CMTR1: variants seen among roughly 807,000 people sequenced by gnomAD.
CMTR1 encodes the protein cap-specific mRNA (nucleoside-2'-O-)-methyltransferase 1.
Under a neutral mutation model 107.0 loss-of-function variants are expected in CMTR1, and 39 were observed. The observed-to-expected ratio is 0.36, with a 90% CI of 0.28 to 0.48. CMTR1 has a LOEUF of 0.48. CMTR1 is among the 20% of genes least tolerant of loss of function. The probability of loss-of-function intolerance (pLI) is 0.99; values close to 1 mark genes in which losing one functional copy is unlikely to be tolerated. For missense variants in CMTR1, 672 were observed against 1,064.9 expected (o/e 0.63, Z 5.14); for synonymous variants, 366 against 379.5 (o/e 0.96, Z 0.41).
chr6:37,446,337 A>G lies in CMTR1; in HGVS notation c.332A>G (p.Gln111Arg). The change falls in exon 4 of 24, where the codon CAG becomes CGG. Residue 111 changes from glutamine to arginine, a missense_variant. Transcript: ENST00000373451. ...GGTGAAGGATTGGGTAAATACAGCCAGGGTCGGAAGGACATCGTTGAGGCT... is the reference window on the plus strand; with the variant it reads ...GGTGAAGGATTGGGTAAATACAGCCGGGGTCGGAAGGACATCGTTGAGGCT... Reference protein sequence around the residue: ...REGEGLGKYSQGRKDIVEASS... With the variant: ...REGEGLGKYSRGRKDIVEASS... The G allele has an allele frequency of 1.9e-6, 3 of 1,614,230 alleles. No homozygotes were observed. Among genetic ancestry groups the G allele is most frequent in the Non-Finnish European group, 2.5e-6 (3 of 1,180,036 alleles).
intron 21 of CMTR1, among the ~76,000 whole-genome samples, chr6:37,477,908 G>A (rs2113897212): frequency 6.6e-6 from 1 of 152,336 alleles, no homozygotes; most frequent in Admixed American, 6.5e-5. Flanking sequence ...TAGTTACGAT[G>A]GGCCCTGCGA....
chr6:37,449,247 C>A (rs1259228291), intron 4 of CMTR1, among the ~76,000 whole-genome samples: 1 of 131,478 alleles, frequency 7.6e-6, no homozygotes, highest in East Asian at 2.1e-4. Context: ...GGCCCAGCTC[C>A]AGGCATCAGT....
intron 20 of CMTR1, among the ~76,000 whole-genome samples, chr6:37,477,187 G>T (rs992043397): frequency 1.3e-5 from 2 of 152,222 alleles, no homozygotes; most frequent in African/African-American, 2.4e-5. Flanking sequence ...TGTTATGGAA[G>T]GCCTAAAATC....
intron 2 of CMTR1, among the ~76,000 whole-genome samples, chr6:37,438,611 AC>A (rs1457246575): frequency 6.6e-6 from 1 of 152,184 alleles, no homozygotes; most frequent in Non-Finnish European, 1.5e-5. Context: ...CTTCTTTCCC[AC>A]CATGCCTAGC....
Position 37,481,238 on chromosome 6 carries a change from T to C in CMTR1, c.*1093T>C. 3 of 1,294,338 alleles carry C rather than the reference T, an allele frequency of 2.3e-6. No homozygotes were observed. Among genetic ancestry groups the C allele is most frequent in the Non-Finnish European group, 3.0e-6 (3 of 985,458 alleles). 80.2% of individuals were successfully genotyped at this position (1,294,338 alleles called of 1,614,324 possible). On this transcript the variant is annotated 3_prime_UTR_variant, in exon 24 of 24. Coordinates refer to ENST00000373451, the MANE Select transcript of CMTR1 (RefSeq NM_015050.3). The stretch of plus-strand genomic sequence containing the variant: ...AGCTTGGGGTGGGGGTGGGCACCTG[T>C]GGTTGTTTTTAATGGGAAATACCTC...
Position 37,472,671 on chromosome 6 carries a change from A to G in CMTR1, c.1689+184A>G, listed in dbSNP as rs1179074250. On this transcript the variant is annotated intron_variant, in intron 16 of 23. Transcript: ENST00000373451. The surrounding 1 kb of genome is among the most constrained non-coding windows in gnomAD (Gnocchi z 4.1). ...TTTGGTATAGGGTGTTGAATTCCCC[A>G]AGAGCACAGTCAGGCCAACGGAAGA... Among the ~76,000 whole-genome samples the G allele has an allele frequency of 6.6e-6, 1 of 152,202 alleles. No homozygotes were observed. Among genetic ancestry groups the G allele is most frequent in the African/African-American group, 2.4e-5 (1 of 41,448 alleles).
chr6:37,446,557 A>G, intron 4 of CMTR1, 108 bp downstream of exon 4: 1 of 1,316,226 alleles, frequency 7.6e-7, no homozygotes, highest in East Asian at 2.3e-5. Flanking sequence ...AGTATGAGCA[A>G]AGTGGAATTA....
At chr6:37,470,748 A>G (rs1273035119) in intron 13 of CMTR1, among the ~76,000 whole-genome samples, 1 of 152,158 alleles carries the variant, frequency 6.6e-6, no homozygotes, top group Non-Finnish European at 1.5e-5. Context: ...GCTCACCACT[A>G]CTTTCAGATT....
intron 4 of CMTR1, 83 bp from the exon 5 acceptor site, chr6:37,450,168 T>G: frequency 8.5e-7 from 1 of 1,174,662 alleles, no homozygotes; most frequent in Admixed American, 1.8e-5. Context: ...CCCTTTTGAT[T>G]GTTTTGGGGA....
At chr6:37,438,725 C>G (rs1359708320) in intron 2 of CMTR1, among the ~76,000 whole-genome samples, 2 of 152,188 alleles carry the variant, frequency 1.3e-5, no homozygotes, top group Non-Finnish European at 2.9e-5. Context: ...TTCATTTTGC[C>G]TGTCTCCTCC....
intron 19 of CMTR1, chr6:37,475,880 C>T: frequency 1.9e-6 from 1 of 539,444 alleles, no homozygotes; most frequent in Middle Eastern, 5.1e-4. Context: ...GCTGAAGGCA[C>T]ACTTCAGGAA....
intron 8 of CMTR1, among the ~76,000 whole-genome samples, chr6:37,456,560 A>G (rs953552663): frequency 1.2e-4 from 18 of 152,160 alleles, no homozygotes; most frequent in East Asian, 9.6e-4. Context: ...TAGTATGTCT[A>G]TTTCTTTCTT....
Position 37,458,093 on chromosome 6 carries a change from C to T in CMTR1, c.778-519C>T, listed in dbSNP as rs1228971209. On this transcript the variant is annotated intron_variant, in intron 8 of 23. Transcript: ENST00000373451. This position sits in a 1 kb window ranked among gnomAD's most constrained non-coding sequence, Gnocchi z 4.7. Reference sequence around the variant, plus strand: ...TTGTTGAGACAGGGTCTCGGTCTGTCGCCCAGGCTCAAGTGCAGTGGCGCG... The same window carrying T: ...TTGTTGAGACAGGGTCTCGGTCTGTTGCCCAGGCTCAAGTGCAGTGGCGCG... 1.3e-5 allele frequency among the ~76,000 whole-genome samples: 2 copies of T among 151,870 alleles called. No individual in the cohort carries two copies. Among genetic ancestry groups the T allele is most frequent in the African/African-American group, 2.4e-5 (1 of 41,346 alleles).
chr6:37,450,000 C>T (rs1056324588), intron 4 of CMTR1, among the ~76,000 whole-genome samples: 4 of 152,130 alleles, frequency 2.6e-5, no homozygotes, highest in African/African-American at 9.7e-5. Context: ...AATAATGGAA[C>T]AAATGAAAGA....
rs978973774 is a variant in CMTR1, at chr6:37,458,289, C to T, written c.778-323C>T. ...CAGGCTGGTCTCAAACCCCTGACCT[C>T]AGGCTATCTGCCTCTCTGGCCTCCC... is the stretch of plus-strand genomic sequence containing the variant. On this transcript the variant is annotated intron_variant, in intron 8 of 23. Transcript: ENST00000373451. This position sits in a 1 kb window ranked among gnomAD's most constrained non-coding sequence, Gnocchi z 4.7. Among the ~76,000 whole-genome samples the T allele has an allele frequency of 1.3e-4, 20 of 152,106 alleles. No homozygotes were observed. Among genetic ancestry groups the T allele is most frequent in the Non-Finnish European group, 2.8e-4 (19 of 68,024 alleles).
At chr6:37,457,093 G>T (rs956054565) in intron 8 of CMTR1, among the ~76,000 whole-genome samples, 1 of 151,748 alleles carries the variant, frequency 6.6e-6, no homozygotes, top group Non-Finnish European at 1.5e-5. Context: ...GGTGGTGTGT[G>T]TCAGGGGTCC....
In CMTR1 at chr6:37,433,303, G is replaced by A. The variant is rs1432703093; in HGVS notation, c.-81G>A. On this transcript the variant is annotated 5_prime_UTR_variant, in exon 1 of 24. Coordinates refer to ENST00000373451, the MANE Select transcript of CMTR1 (RefSeq NM_015050.3). ...AAACGAAACTGAGGGAGGAGGCGGC[G>A]GCTCTGGCAGCGGCGGCGACAGTGT... The A allele has an allele frequency of 6.5e-6, 1 of 154,276 alleles. No homozygotes were observed. Among genetic ancestry groups the A allele is most frequent in the African/African-American group, 2.4e-5 (1 of 41,504 alleles). The allele number at this position is 154,276 out of a possible 1,614,324, so 9.6% of individuals were successfully genotyped here.
chr6:37,472,407 G>A lies in CMTR1; in HGVS notation c.1621-12G>A. On this transcript the variant is annotated splice_polypyrimidine_tract_variant and intron_variant, in intron 15 of 23. Coordinates refer to ENST00000373451, the MANE Select transcript of CMTR1 (RefSeq NM_015050.3). The surrounding 1 kb of genome is among the most constrained non-coding windows in gnomAD (Gnocchi z 4.1). ...CATTTGAAAGTCAAAGCTCTTTGCTGTCTTATTTCAGATCCCAGACCAGGC... is the reference window on the plus strand; with the variant it reads ...CATTTGAAAGTCAAAGCTCTTTGCTATCTTATTTCAGATCCCAGACCAGGC... 6.2e-7 allele frequency: 1 copy of A among 1,614,088 alleles called. No individual in the cohort carries two copies. The highest frequency in any genetic ancestry group is 8.5e-7 in the Non-Finnish European group (1 of 1,179,932).
At chr6:37,473,213 A>G (rs545345186) in intron 16 of CMTR1, among the ~76,000 whole-genome samples, 80 of 152,224 alleles carry the variant, frequency 5.3e-4, no homozygotes, top group Admixed American at 4.4e-3. Context: ...AGGTCTGGTA[A>G]ATTGATCTGT....
Sources: gnomAD v4.1 joint callset for allele counts (sites outside exome capture counted in the v4.1 genomes callset) on GRCh38, gnomAD v4.1.1 for gene constraint, Gnocchi (gnomAD v3.1) non-coding constraint, MANE v1.5 for transcripts, NCBI Gene and HGNC (gene_info 2026-07-23, HGNC 2026-07-21) for gene names.